The following EYS variants were observed in gnomAD, a reference collection of about 807,000 sequenced individuals.
The protein encoded by EYS is EGF-like photoreceptor maintenance factor, also known as protein eyes shut homolog.
Under a neutral mutation model 282.1 loss-of-function variants are expected in EYS, and 250 were observed. That is an observed-to-expected ratio of 0.89 (90% confidence interval 0.80 to 0.98). The LOEUF (loss-of-function observed/expected upper bound fraction) is 0.98, where lower values mean the gene tolerates loss of function less well. Ranked by LOEUF, EYS falls within the 50% of genes least tolerant of loss-of-function variation. The pLI is 0.00. For missense variants in EYS, 4,016 were observed against 3,709.0 expected (o/e 1.08, Z -2.15); for synonymous variants, 1,355 against 1,282.9 (o/e 1.06, Z -1.20).
Position 65,619,822 on chromosome 6 carries a change from T to C in EYS, c.-333+19956A>G, listed in dbSNP as rs528121193. ...ATCTATTGAGATAATCATGCGGTTTTTGTCTTTGGTTCTGTTTATATGCTG... is the reference window on the plus strand; with the variant it reads ...ATCTATTGAGATAATCATGCGGTTTCTGTCTTTGGTTCTGTTTATATGCTG... On this transcript the variant is annotated intron_variant, in intron 2 of 42. Coordinates refer to ENST00000503581, the MANE Select transcript of EYS (RefSeq NM_001142800.2). Among the ~76,000 whole-genome samples, 848 of 150,782 alleles carry C rather than the reference T, an allele frequency of 5.6e-3. 6 individuals are homozygous for C. Among genetic ancestry groups the C allele is most frequent in the African/African-American group, 0.019 (807 of 41,504 alleles).
chr6:64,669,107 C>T (rs1769345610), intron 22 of EYS, among the ~76,000 whole-genome samples: 1 of 152,110 alleles, frequency 6.6e-6, no homozygotes, highest in African/African-American at 2.4e-5. Context: ...CCTTTATATA[C>T]TCACTCGTTT....
chr6:64,414,203 G>T (rs1291937523), intron 28 of EYS, among the ~76,000 whole-genome samples: 4 of 152,092 alleles, frequency 2.6e-5, no homozygotes, highest in Non-Finnish European at 4.4e-5. Context: ...CCTGAGAAAT[G>T]AAGAGAAATT....
intron 15 of EYS, among the ~76,000 whole-genome samples, chr6:64,919,056 G>A (rs138716800): frequency 3.3e-5 from 5 of 152,250 alleles, no homozygotes; most frequent in Non-Finnish European, 7.4e-5. Context: ...AGGTACATAT[G>A]TAGATTCTTT....
intron 12 of EYS, among the ~76,000 whole-genome samples, chr6:65,179,986 G>A (rs947606437): frequency 3.3e-5 from 5 of 152,148 alleles, no homozygotes; most frequent in Admixed American, 1.3e-4. Flanking sequence ...TGCATAAAAG[G>A]CCTTTGACAA....
chr6:64,597,850 C>T lies in EYS; in HGVS notation c.3685-4541G>A, dbSNP rs78454527. On this transcript the variant is annotated intron_variant, in intron 24 of 42. Transcript: ENST00000503581. Reference sequence around the variant, plus strand: ...TCACGTAACAAAATTGCACTTGTAACGCTTAATTTGATACAAATTTTTTAA... The same window carrying T: ...TCACGTAACAAAATTGCACTTGTAATGCTTAATTTGATACAAATTTTTTAA... Among the ~76,000 whole-genome samples, 1,035 of 152,102 alleles carry T rather than the reference C, an allele frequency of 6.8e-3. 17 individuals are homozygous for T. Among genetic ancestry groups the T allele is most frequent in the African/African-American group, 0.024 (989 of 41,482 alleles).
intron 37 of EYS, chr6:63,797,146 AC>A (rs1485952437): frequency 6.6e-6 from 1 of 152,244 alleles, no homozygotes; most frequent in Admixed American, 6.5e-5. Context: ...TGATTCTGCG[AC>A]AGAGACACCC....
intron 2 of EYS, among the ~76,000 whole-genome samples, chr6:65,568,777 A>G (rs1350932836): frequency 6.6e-6 from 1 of 152,184 alleles, no homozygotes; most frequent in Non-Finnish European, 1.5e-5. Context: ...AAAGTTACTC[A>G]TGACTTATCT....
chr6:64,772,194 C>T (rs954457150), intron 22 of EYS, among the ~76,000 whole-genome samples: 1 of 151,372 alleles, frequency 6.6e-6, no homozygotes, highest in Non-Finnish European at 1.5e-5. Flanking sequence ...TTAGGGAATC[C>T]ATTTTGGGGT....
chr6:65,352,756 G>A (rs539163341), intron 9 of EYS, among the ~76,000 whole-genome samples: 1 of 151,890 alleles, frequency 6.6e-6, no homozygotes, highest in African/African-American at 2.4e-5. Context: ...TATGGAATGT[G>A]TCAAAACCTA....
intron 12 of EYS, among the ~76,000 whole-genome samples, chr6:65,215,449 T>C (rs369395871): frequency 1.0e-3 from 159 of 152,264 alleles, no homozygotes; most frequent in African/African-American, 3.6e-3. Flanking sequence ...ATGATAAAAC[T>C]TGTATAGATA....
intron 11 of EYS, among the ~76,000 whole-genome samples, chr6:65,326,344 A>G (rs1858645): frequency 1.3e-5 from 2 of 150,924 alleles, no homozygotes; most frequent in African/African-American, 4.9e-5. Flanking sequence ...AAATGGTGTA[A>G]TTTTTTTCTA....
intron 12 of EYS, among the ~76,000 whole-genome samples, chr6:65,158,162 T>A (rs1367495390): frequency 1.3e-5 from 2 of 150,892 alleles, no homozygotes; most frequent in African/African-American, 2.4e-5. Flanking sequence ...GTCTACAACA[T>A]ACAATCACCA....
At chr6:65,072,720 AG>A (rs1408974041) in intron 12 of EYS, among the ~76,000 whole-genome samples, 1 of 151,858 alleles carries the variant, frequency 6.6e-6, no homozygotes, top group Admixed American at 6.6e-5. Context: ...AATTCAAAAA[AG>A]AATCACAAAG....
chr6:63,803,205 C>G (rs1441532740), intron 37 of EYS, among the ~76,000 whole-genome samples: 2 of 150,722 alleles, frequency 1.3e-5, no homozygotes, highest in Non-Finnish European at 2.9e-5. Flanking sequence ...TGAAACAAGA[C>G]AGACCTAGGG....
At chr6:64,851,432 G>T (rs187112791) in intron 19 of EYS, among the ~76,000 whole-genome samples, 1 of 152,076 alleles carries the variant, frequency 6.6e-6, no homozygotes, top group African/African-American at 2.4e-5. Context: ...TGCCCAAGAT[G>T]AAATACTCAG....
chr6:64,403,362 AT>A (rs901703299), intron 28 of EYS, among the ~76,000 whole-genome samples: 7 of 150,608 alleles, frequency 4.6e-5, no homozygotes, highest in Non-Finnish European at 8.9e-5. Context: ...AAACAAAGTA[AT>A]TTTTTTTTTC....
intron 35 of EYS, among the ~76,000 whole-genome samples, chr6:63,974,640 A>G (rs1766747260): frequency 6.6e-6 from 1 of 151,956 alleles, no homozygotes. Flanking sequence ...ATATGAGTGG[A>G]ATTTGATAGT....
intron 7 of EYS, among the ~76,000 whole-genome samples, chr6:65,391,196 G>T (rs1359273870): frequency 1.3e-5 from 2 of 151,920 alleles, no homozygotes; most frequent in African/African-American, 4.8e-5. Flanking sequence ...AGGCATTTAG[G>T]GGGCCAGATT....
intron 12 of EYS, among the ~76,000 whole-genome samples, chr6:65,176,696 T>C (rs1336859526): frequency 6.6e-6 from 1 of 151,618 alleles, no homozygotes; most frequent in Non-Finnish European, 1.5e-5. Context: ...TTCAGTTCCT[T>C]GTCTATAAAT....
Sources: allele counts gnomAD v4.1 joint callset (sites outside exome capture counted in the v4.1 genomes callset), GRCh38; gene constraint gnomAD v4.1.1; transcripts MANE v1.5; gene names NCBI Gene and HGNC (gene_info 2026-07-23, HGNC 2026-07-21).